ANKRD12: variants seen among roughly 807,000 people sequenced by gnomAD.
The protein encoded by ANKRD12 is ankyrin repeat domain 12, also known as ankyrin repeat domain-containing protein 12.
A neutral mutation model predicts 183.4 loss-of-function variants in ANKRD12; 85 were observed. That is an observed-to-expected ratio of 0.46 (90% CI 0.39 to 0.56). The LOEUF (loss-of-function observed/expected upper bound fraction) is 0.56, where lower values mean the gene tolerates loss of function less well. ANKRD12 is among the 20% of genes least tolerant of loss of function. The pLI is 0.00. For synonymous variants in ANKRD12, 914 were observed against 800.2 expected (o/e 1.14, Z -2.40); for missense variants, 2,405 against 2,357.1 (o/e 1.02, Z -0.42).
chr18:9,192,281 G>C (rs2034499779), intron 2 of ANKRD12, among the ~76,000 whole-genome samples: 1 of 152,172 alleles, frequency 6.6e-6, no homozygotes. Context: ...AATGAATGTA[G>C]ATGTTATTCT....
chr18:9,185,751 C>T lies in ANKRD12; in HGVS notation c.87+3232C>T, dbSNP rs145120568. Among the ~76,000 whole-genome samples the T allele has an allele frequency of 2.9e-3, 434 of 152,106 alleles. 2 individuals carry two copies. Among genetic ancestry groups the T allele is most frequent in the Middle Eastern group, 0.017 (5 of 294 alleles). Reference sequence around the variant, plus strand: ...GTAAAGAGACAAGGAAAGAGGAGGACAGAGAGAGAACCAAGGGAGGTTCCA... The same window carrying T: ...GTAAAGAGACAAGGAAAGAGGAGGATAGAGAGAGAACCAAGGGAGGTTCCA... On this transcript the variant is annotated intron_variant, in intron 2 of 12. Coordinates refer to ENST00000262126, the MANE Select transcript of ANKRD12 (RefSeq NM_015208.5).
intron 8 of ANKRD12, among the ~76,000 whole-genome samples, chr18:9,223,032 CT>C (rs1301796277): frequency 6.6e-6 from 1 of 152,032 alleles, no homozygotes; most frequent in Non-Finnish European, 1.5e-5. Flanking sequence ...TCAGATCATA[CT>C]TGAAAAGGGA....
chr18:9,137,942 T>C (rs1230055903), intron 1 of ANKRD12: 1 of 152,268 alleles, frequency 6.6e-6, no homozygotes, highest in African/African-American at 2.4e-5. Context: ...AGGAAGTTAC[T>C]GTTGCACTCG....
chr18:9,218,617 T>G (rs2036242697), intron 7 of ANKRD12, among the ~76,000 whole-genome samples: 1 of 152,146 alleles, frequency 6.6e-6, no homozygotes, highest in Non-Finnish European at 1.5e-5. Context: ...GAACCTAATT[T>G]TTGACTTGTT....
chr18:9,196,222 A>ACACT lies in ANKRD12; in HGVS notation c.235+525_235+526insACTC, dbSNP rs869042165. ...CACACACACACACACACACACACAC[A>ACACT]CTGAGGCTAACTGCCTCAGTGCTTT... On this transcript the variant is annotated intron_variant, in intron 3 of 12. Coordinates refer to ENST00000262126, the MANE Select transcript of ANKRD12 (RefSeq NM_015208.5). Among the ~76,000 whole-genome samples the ACACT allele has an allele frequency of 3.2e-4, 43 of 133,294 alleles. 1 individual carries two copies. The highest frequency in any genetic ancestry group is 1.2e-3 in the African/African-American group (42 of 35,164). The allele number at this position is 133,294 out of a possible 152,430, so 87.4% of individuals were successfully genotyped here.
intron 8 of ANKRD12, among the ~76,000 whole-genome samples, chr18:9,235,208 A>G (rs1267216875): frequency 1.3e-5 from 2 of 152,224 alleles, no homozygotes; most frequent in African/African-American, 4.8e-5. Flanking sequence ...GTCATCTTAA[A>G]AAATAGGCCA....
At chr18:9,193,531 T>G (rs1193688395) in intron 2 of ANKRD12, among the ~76,000 whole-genome samples, 1 of 152,110 alleles carries the variant, frequency 6.6e-6, no homozygotes, top group Admixed American at 6.5e-5. Flanking sequence ...TTTGTTTGGT[T>G]GTTTTTATCT....
chr18:9,186,909 A>G (rs867742389), intron 2 of ANKRD12, among the ~76,000 whole-genome samples: 3 of 151,494 alleles, frequency 2.0e-5, no homozygotes, highest in Non-Finnish European at 4.4e-5. Context: ...CCGCCACCGC[A>G]CCTGGCTAAT....
chr18:9,234,379 G>A (rs575667431), intron 8 of ANKRD12, among the ~76,000 whole-genome samples: 74 of 152,324 alleles, frequency 4.9e-4, no homozygotes, highest in African/African-American at 1.7e-3. Context: ...TGAGCACACA[G>A]TTTGTGCTGC....
At chr18:9,206,750 T>G (rs2035510200) in intron 4 of ANKRD12, among the ~76,000 whole-genome samples, 1 of 152,234 alleles carries the variant, frequency 6.6e-6, no homozygotes, top group Admixed American at 6.5e-5. Flanking sequence ...CAGCATGGCA[T>G]TCTAATGATG....
chr18:9,259,473 A>G (rs957358877), intron 9 of ANKRD12: 1 of 150,624 alleles, frequency 6.6e-6, no homozygotes, highest in African/African-American at 2.5e-5. Context: ...GACTCTATAT[A>G]AACACATAAA....
Position 9,256,287 on chromosome 18 carries a change from A to T in ANKRD12, c.3020A>T (p.Glu1007Val), listed in dbSNP as rs1396777400. ...PLSLKEKTKDEPLKTPDGKEK... is the reference protein window; with the variant it reads ...PLSLKEKTKDVPLKTPDGKEK... ...TCCCTTAAAGAAAAAACAAAAGATGAACCTTTGAAAACTCCAGATGGAAAA... is the reference window on the plus strand; with the variant it reads ...TCCCTTAAAGAAAAAACAAAAGATGTACCTTTGAAAACTCCAGATGGAAAA... Residue 1007 changes from glutamate to valine, a missense_variant, in exon 9 of 13, where the codon GAA (glutamate) becomes GTA (valine). Physicochemically the swap from Glu to Val is moderately radical, Grantham distance 121. Around this residue, in one of 7 missense-constraint regions of ANKRD12, gnomAD observed 1,983 missense variants for 1,725.9 expected, o/e 1.15. Transcript: ENST00000262126. The T allele has an allele frequency of 6.2e-7, 1 of 1,604,870 alleles. No homozygotes were observed. The highest frequency in any genetic ancestry group is 1.3e-5 in the African/African-American group (1 of 74,224).
At chr18:9,233,638 G>C (rs72939211) in intron 8 of ANKRD12, among the ~76,000 whole-genome samples, 11,170 of 152,204 alleles carry the variant, frequency 0.073, 421 homozygotes, top group African/African-American at 0.082. Flanking sequence ...TTGATTCTGG[G>C]TGCGCGTGAT....
intron 1 of ANKRD12, among the ~76,000 whole-genome samples, chr18:9,162,794 A>G (rs2031601032): frequency 7.7e-6 from 1 of 130,272 alleles, no homozygotes; most frequent in Non-Finnish European, 1.7e-5. Flanking sequence ...CATTTCTCTA[A>G]TCAGTGATAT....
intron 1 of ANKRD12, among the ~76,000 whole-genome samples, chr18:9,178,805 T>G (rs1398508816): frequency 6.6e-6 from 1 of 152,170 alleles, no homozygotes; most frequent in Non-Finnish European, 1.5e-5. Context: ...TTCCATATAT[T>G]TAGATCTTTT....
At chr18:9,152,667 T>G (rs1173360473) in intron 1 of ANKRD12, among the ~76,000 whole-genome samples, 1 of 152,116 alleles carries the variant, frequency 6.6e-6, no homozygotes, top group African/African-American at 2.4e-5. Context: ...TAAAAAAATT[T>G]TTTTCTGCCT....
At position 9,178,537 on chromosome 18, in the gene ANKRD12, G is replaced by A. The variant is rs116590972; in HGVS notation, c.-51-3845G>A. On this transcript the variant is annotated intron_variant, in intron 1 of 12. Transcript: ENST00000262126. ...TCTTTACATTAGTAAACACTGTCTT[G>A]CTTACTGTATCTTTGTTAGTAACTA... Among the ~76,000 whole-genome samples the A allele has an allele frequency of 3.8e-3, 576 of 152,076 alleles. 2 individuals carry two copies. The highest frequency in any genetic ancestry group is 0.013 in the African/African-American group (550 of 41,476).
chr18:9,257,891 A>T lies in ANKRD12; in HGVS notation c.4624A>T (p.Thr1542Ser). 6.2e-7 allele frequency: 1 copy of T among 1,613,856 alleles called. No individual in the cohort carries two copies. The highest frequency in any genetic ancestry group is 1.3e-5 in the African/African-American group (1 of 75,040). The part of the protein sequence containing the change: ...SSALDTDNES[T>S]KDTENTFVLG... Reference sequence around the variant, plus strand: ...TGCTTTAGATACTGATAATGAATCTACAAAAGATACAGAAAATACTTTTGT... The same window carrying T: ...TGCTTTAGATACTGATAATGAATCTTCAAAAGATACAGAAAATACTTTTGT... The change falls in exon 9 of 13, where the codon ACA becomes TCA. Residue 1542 changes from threonine to serine, a missense_variant. By Grantham distance (58) the Thr-to-Ser change is moderately conservative. This residue lies in a region of ANKRD12 where 1,983 missense variants were observed against 1,725.9 expected (regional missense o/e 1.15). Transcript: ENST00000262126.
intron 3 of ANKRD12, among the ~76,000 whole-genome samples, chr18:9,198,930 T>C (rs2035006155): frequency 6.6e-6 from 1 of 152,098 alleles, no homozygotes; most frequent in Non-Finnish European, 1.5e-5. Flanking sequence ...AGGAAAATTG[T>C]GTTGAGTAAT....
Sources: allele counts gnomAD v4.1 joint callset (sites outside exome capture counted in the v4.1 genomes callset), GRCh38; gene constraint gnomAD v4.1.1; regional missense constraint gnomAD v4.1.1; transcripts MANE v1.5; gene names NCBI Gene and HGNC (gene_info 2026-07-23, HGNC 2026-07-21).